The following PRKG1 variants were observed in gnomAD, a reference collection of about 807,000 sequenced individuals.
PRKG1 encodes protein kinase cGMP-dependent 1.
PRKG1 carries 35 observed loss-of-function variants against 88.1 expected under a neutral mutation model. That is an observed-to-expected ratio of 0.40 (90% confidence interval 0.30 to 0.53). PRKG1 has a LOEUF of 0.53. PRKG1 is among the 20% of genes least tolerant of loss of function. PRKG1 has a pLI of 0.59. For synonymous variants in PRKG1, 303 were observed against 292.5 expected (o/e 1.04, Z -0.37); for missense variants, 540 against 839.8 (o/e 0.64, Z 4.41).
intron 7 of PRKG1, among the ~76,000 whole-genome samples, chr10:52,117,865 C>T (rs931112777): frequency 6.6e-6 from 1 of 151,848 alleles, no homozygotes; most frequent in Non-Finnish European, 1.5e-5. Flanking sequence ...ATACCATGGC[C>T]TTTTCACTTA....
chr10:51,533,195 A>T (rs1842059123), intron 3 of PRKG1, among the ~76,000 whole-genome samples: 1 of 152,238 alleles, frequency 6.6e-6, no homozygotes, highest in Admixed American at 6.5e-5. Flanking sequence ...TAGTTTATTA[A>T]AAGTTATTTT....
intron 7 of PRKG1, among the ~76,000 whole-genome samples, chr10:52,125,453 G>A (rs1564479790): frequency 6.6e-6 from 1 of 152,094 alleles, no homozygotes; most frequent in Non-Finnish European, 1.5e-5. Context: ...TTAGTTATCT[G>A]ATTGCATGCT....
chr10:51,519,638 T>A (rs2038919), intron 3 of PRKG1, among the ~76,000 whole-genome samples: 59,978 of 152,020 alleles, frequency 0.39, 13,162 homozygotes, highest in Non-Finnish European at 0.49. Context: ...ATTCTCTTAT[T>A]AACTTGAATC....
chr10:51,349,663 C>T (rs1021923921), intron 2 of PRKG1, among the ~76,000 whole-genome samples: 22 of 151,998 alleles, frequency 1.4e-4, no homozygotes, highest in East Asian at 1.2e-3. Flanking sequence ...TGCACCACCA[C>T]GCCCAGCTAA....
At chr10:51,138,125 T>G (rs1352972840) in intron 1 of PRKG1, among the ~76,000 whole-genome samples, 4 of 152,234 alleles carry the variant, frequency 2.6e-5, no homozygotes, top group Admixed American at 2.0e-4. Context: ...AAGGTCATTT[T>G]TAGTGGTTAA....
At chr10:51,316,203 G>C (rs992191388) in intron 2 of PRKG1, among the ~76,000 whole-genome samples, 1 of 152,116 alleles carries the variant, frequency 6.6e-6, no homozygotes, top group African/African-American at 2.4e-5. Flanking sequence ...CTTGGGTAAA[G>C]TTTGTATGGA....
At chr10:51,227,820 G>T (rs1465171337) in intron 2 of PRKG1, among the ~76,000 whole-genome samples, 1 of 152,166 alleles carries the variant, frequency 6.6e-6, no homozygotes, top group Non-Finnish European at 1.5e-5. Flanking sequence ...GGATGAGAGG[G>T]CAAGAAAGAG....
chr10:51,393,856 A>G (rs1361568422), intron 2 of PRKG1, among the ~76,000 whole-genome samples: 1 of 152,232 alleles, frequency 6.6e-6, no homozygotes, highest in Non-Finnish European at 1.5e-5. Flanking sequence ...CTTGAGAGTC[A>G]CACAATCACA....
At chr10:51,014,592 A>G (rs1843034248) in intron 1 of PRKG1, among the ~76,000 whole-genome samples, 1 of 152,148 alleles carries the variant, frequency 6.6e-6, no homozygotes, top group Non-Finnish European at 1.5e-5. Flanking sequence ...CTGCACGTGC[A>G]GGTATCACAG....
At chr10:51,534,676 A>AAG (rs1315232664) in intron 3 of PRKG1, among the ~76,000 whole-genome samples, 6 of 150,998 alleles carry the variant, frequency 4.0e-5, no homozygotes, top group Non-Finnish European at 7.4e-5. Flanking sequence ...CAAAAAAAAA[A>AAG]AAAAAAGAAA....
chr10:51,857,425 C>T (rs1336955240), intron 4 of PRKG1, among the ~76,000 whole-genome samples: 2 of 152,130 alleles, frequency 1.3e-5, no homozygotes, highest in East Asian at 1.9e-4. Flanking sequence ...GACACCTGCT[C>T]GAGGACTTCA....
intron 2 of PRKG1, among the ~76,000 whole-genome samples, chr10:51,359,479 C>A (rs1842434169): frequency 6.6e-6 from 1 of 151,534 alleles, no homozygotes; most frequent in African/African-American, 2.4e-5. Flanking sequence ...TGTGTGTATA[C>A]AGGGTCCATT....
At chr10:51,529,593 T>C (rs973640826) in intron 3 of PRKG1, among the ~76,000 whole-genome samples, 10 of 152,162 alleles carry the variant, frequency 6.6e-5, no homozygotes, top group Non-Finnish European at 1.3e-4. Flanking sequence ...GCATGGCAAA[T>C]CACTCATTCC....
At chr10:51,028,833 C>T (rs944929385) in intron 1 of PRKG1, among the ~76,000 whole-genome samples, 1 of 152,102 alleles carries the variant, frequency 6.6e-6, no homozygotes, top group African/African-American at 2.4e-5. Flanking sequence ...GATGTTTGTT[C>T]ATTCGAGAAT....
At chr10:52,185,876 A>T (rs1171742280) in intron 9 of PRKG1, among the ~76,000 whole-genome samples, 1 of 152,162 alleles carries the variant, frequency 6.6e-6, no homozygotes, top group African/African-American at 2.4e-5. Context: ...AGCAGCCAGG[A>T]TGCAAAGAGC....
intron 9 of PRKG1, among the ~76,000 whole-genome samples, chr10:52,214,226 T>A (rs1452680119): frequency 6.6e-6 from 1 of 152,096 alleles, no homozygotes; most frequent in Non-Finnish European, 1.5e-5. Flanking sequence ...AACAGTAGCA[T>A]AGAGGAAGTA....
At position 51,552,733 on chromosome 10, in the gene PRKG1, C is replaced by A. The variant is rs117666117; in HGVS notation, c.592+84897C>A. Among the ~76,000 whole-genome samples, 596 of 151,580 alleles carry A rather than the reference C, an allele frequency of 3.9e-3. 4 individuals are homozygous for A. Among genetic ancestry groups the A allele is most frequent in the Non-Finnish European group, 6.7e-3 (450 of 67,598 alleles). ...TATGAAATGTTTAATGTAATCCAGG[C>A]TGTTGTGAAATCAAGTATCTTTTCT... On this transcript the variant is annotated intron_variant, in intron 3 of 17. Coordinates refer to ENST00000373980, the MANE Select transcript of PRKG1 (RefSeq NM_006258.4).
At chr10:52,061,672 T>C (rs2133267495) in intron 6 of PRKG1, among the ~76,000 whole-genome samples, 1 of 152,260 alleles carries the variant, frequency 6.6e-6, no homozygotes, top group Admixed American at 6.5e-5. Flanking sequence ...CTTATTATAA[T>C]TTGTGGAGAA....
chr10:51,454,364 C>T (rs565207127), intron 2 of PRKG1, among the ~76,000 whole-genome samples: 1 of 150,840 alleles, frequency 6.6e-6, no homozygotes, highest in Non-Finnish European at 1.5e-5. Flanking sequence ...GCTACAGTTA[C>T]CAAAATAGCA....
Sources: gnomAD v4.1 joint callset for allele counts (sites outside exome capture counted in the v4.1 genomes callset) on GRCh38, gnomAD v4.1.1 for gene constraint, MANE v1.5 for transcripts, NCBI Gene and HGNC (gene_info 2026-07-23, HGNC 2026-07-21) for gene names.